The following MAPKBP1 variants were observed in gnomAD, a reference collection of about 807,000 sequenced individuals.
The protein encoded by MAPKBP1 is mitogen-activated protein kinase binding protein 1.
Under a neutral mutation model 170.5 loss-of-function variants are expected in MAPKBP1, and 71 were observed. The ratio of observed to expected loss-of-function variants is 0.42; its 90% confidence interval spans 0.34 to 0.51. The LOEUF (loss-of-function observed/expected upper bound fraction) is 0.51, where lower values mean the gene tolerates loss of function less well. Ranked by LOEUF, MAPKBP1 falls within the 20% of genes least tolerant of loss-of-function variation. MAPKBP1 has a pLI of 0.06. For synonymous variants in MAPKBP1, 719 were observed against 757.9 expected (o/e 0.95, Z 0.84); for missense variants, 1,598 against 1,933.0 (o/e 0.83, Z 3.25).
At chr15:41,783,056 TCCAGATGACCAGAAG>T (rs2064217968) in intron 2 of MAPKBP1, among the ~76,000 whole-genome samples, 1 of 152,138 alleles carries the variant, frequency 6.6e-6, no homozygotes, top group African/African-American at 2.4e-5. Context: ...GCTGTGTGGT[TCCAGATGACCAGAAG>T]CCACAAGCGG....
rs1264000663 is a variant in MAPKBP1, at chr15:41,816,586, G to A, written c.1521G>A (p.Glu507=). ...TGCACGAACTTCAGTCCCTGAGTGAGATGCTGAAGGTGGAGGCCCATGACT... is the reference window on the plus strand; with the variant it reads ...TGCACGAACTTCAGTCCCTGAGTGAAATGCTGAAGGTGGAGGCCCATGACT... ...LRVHELQSLS[E]MLKVEAHDSE... The change falls in exon 13 of 31, where the codon GAG becomes GAA. Residue 507 remains glutamate (E), a synonymous_variant. Transcript: ENST00000457542. 1 of 1,614,132 alleles carries A rather than the reference G, an allele frequency of 6.2e-7. No individual in the cohort carries two copies. The highest frequency in any genetic ancestry group is 1.1e-5 in the South Asian group (1 of 91,082).
rs1308018671 is a variant in MAPKBP1 at position 41,822,602 on chromosome 15, T to G, written c.3239T>G (p.Val1080Gly). ...LASGAAPGAP[V>G]QVPERSESRS... ...TCTCTGACCTTGGTAGGGGCCCCAG[T>G]GCAGGTCCCAGAGAGGTCAGAGTCT... Residue 1080 changes from valine (V) to glycine (G), a missense_variant, in exon 27 of 31, where the codon GTG (valine) becomes GGG (glycine). By Grantham distance (109) the Val-to-Gly change is moderately radical. This residue lies in a region of MAPKBP1 where 942 missense variants were observed against 953.2 expected (regional missense o/e 0.99). Transcript: ENST00000457542. The G allele has an allele frequency of 1.2e-6, 2 of 1,613,992 alleles. No homozygotes were observed. Among genetic ancestry groups the G allele is most frequent in the Non-Finnish European group, 1.7e-6 (2 of 1,179,942 alleles).
chr15:41,788,880 G>T (rs962175822), intron 2 of MAPKBP1, among the ~76,000 whole-genome samples: 2 of 152,214 alleles, frequency 1.3e-5, no homozygotes, highest in Non-Finnish European at 2.9e-5. Context: ...TTGGAGGAGG[G>T]GAGGAAAGAG....
chr15:41,774,534 A>G lies in MAPKBP1; in HGVS notation c.-186A>G. 2.5e-6 allele frequency: 1 copy of G among 398,604 alleles called. No homozygotes were observed. Among genetic ancestry groups the G allele is most frequent in the East Asian group, 3.6e-5 (1 of 28,078 alleles). The allele number at this position is 398,604 out of a possible 1,614,324, so 24.7% of individuals were successfully genotyped here. A position where few individuals can be genotyped will look rare whatever the true frequency, so the allele number is the denominator to read the frequency against. ...TGCTGCTGCCTCTACCGCTGCGGCT[A>G]CCGCGGCGGAGCTGAAATTGCCGAA... On this transcript the variant is annotated 5_prime_UTR_variant, in exon 1 of 31. Transcript: ENST00000457542.
At position 41,775,332 on chromosome 15, in the gene MAPKBP1, A is replaced by G. The variant is rs762676287; in HGVS notation, c.57A>G (p.Pro19=). ...GGATCAAGAATCTGTTGAGATCTCC[A>G]TCCATCAAACTGCGCAGGAGTAAGG... ...TSRIKNLLRS[P]SIKLRRSKAG... is the part of the protein sequence containing the mutation. The change falls in exon 2 of 31, where the codon CCA becomes CCG. Residue 19 remains proline, a synonymous_variant. Coordinates refer to ENST00000457542, the MANE Select transcript of MAPKBP1 (RefSeq NM_014994.3). 6 of 1,614,044 alleles carry G rather than the reference A, an allele frequency of 3.7e-6. No homozygotes were observed. Among genetic ancestry groups the G allele is most frequent in the Middle Eastern group, 1.6e-4 (1 of 6,084 alleles).
At chr15:41,787,719 T>C (rs1408101892) in intron 2 of MAPKBP1, among the ~76,000 whole-genome samples, 1 of 152,154 alleles carries the variant, frequency 6.6e-6, no homozygotes. Flanking sequence ...AGCCATGCCA[T>C]GCATGTCTTT....
chr15:41,826,064 T>C lies in MAPKBP1; in HGVS notation c.*628T>C, dbSNP rs2065086853. ...GAGCCCGCACATTCCACTCCCATTC[T>C]CCCTCCAAGAGGGGCCCAGCATTGT... On this transcript the variant is annotated 3_prime_UTR_variant, in exon 31 of 31. Transcript: ENST00000457542. 6.5e-6 allele frequency: 1 copy of C among 152,678 alleles called. No homozygotes were observed. Among genetic ancestry groups the C allele is most frequent in the African/African-American group, 2.4e-5 (1 of 41,410 alleles). 9.5% of individuals were successfully genotyped at this position (152,678 alleles called of 1,614,324 possible). A position where few individuals can be genotyped will look rare whatever the true frequency, so the allele number is the denominator to read the frequency against.
At chr15:41,799,611 C>T (rs545135770) in intron 2 of MAPKBP1, among the ~76,000 whole-genome samples, 6 of 152,168 alleles carry the variant, frequency 3.9e-5, no homozygotes, top group East Asian at 1.9e-4. Flanking sequence ...TGAGCCCTGC[C>T]GAAAATAGGT....
chr15:41,798,309 G>A (rs938483969), intron 2 of MAPKBP1, among the ~76,000 whole-genome samples: 6 of 149,448 alleles, frequency 4.0e-5, no homozygotes, highest in African/African-American at 9.8e-5. Flanking sequence ...TTGAGATGGC[G>A]TCTCGCTGTG....
At chr15:41,811,476 A>G (rs1455399086) in intron 5 of MAPKBP1, 2 of 692,854 alleles carry the variant, frequency 2.9e-6, no homozygotes, top group East Asian at 2.7e-5. Flanking sequence ...TAGGTCTGGG[A>G]TGGGAGTCTG....
At chr15:41,776,527 A>G (rs1475219803) in intron 2 of MAPKBP1, among the ~76,000 whole-genome samples, 2 of 152,220 alleles carry the variant, frequency 1.3e-5, no homozygotes, top group South Asian at 4.1e-4. Flanking sequence ...GACCCTTCCA[A>G]GGTCTCTTAT....
At chr15:41,808,550 A>G (rs2064745815) in intron 3 of MAPKBP1, among the ~76,000 whole-genome samples, 1 of 143,918 alleles carries the variant, frequency 6.9e-6, no homozygotes, top group African/African-American at 2.6e-5. Flanking sequence ...ATCTCAACTC[A>G]TTGCAACCTT....
intron 27 of MAPKBP1, 61 bp from the exon 28 acceptor site, chr15:41,822,878 A>G: frequency 1.3e-6 from 2 of 1,548,894 alleles, no homozygotes; most frequent in South Asian, 2.4e-5. Flanking sequence ...GTTTCTCGCC[A>G]TTTTGGCAGG....
chr15:41,808,609 G>A (rs776013412), intron 3 of MAPKBP1, among the ~76,000 whole-genome samples: 6 of 151,236 alleles, frequency 4.0e-5, no homozygotes, highest in Middle Eastern at 3.5e-3. Flanking sequence ...CCAAGTAGCT[G>A]GGATTACAGG....
intron 3 of MAPKBP1, among the ~76,000 whole-genome samples, chr15:41,802,599 G>T (rs1050222071): frequency 6.6e-6 from 1 of 152,104 alleles, no homozygotes; most frequent in Non-Finnish European, 1.5e-5. Context: ...TCAGCCTCCT[G>T]AGTAGTTGGG....
chr15:41,811,475 G>A (rs1381675325), intron 5 of MAPKBP1: 4 of 693,840 alleles, frequency 5.8e-6, no homozygotes, highest in Non-Finnish European at 1.1e-5. Flanking sequence ...GTAGGTCTGG[G>A]ATGGGAGTCT....
rs764872229 is a variant in MAPKBP1 at position 41,824,583 on chromosome 15, G to GC, written c.4299+20dup. On this transcript the variant is annotated intron_variant, in intron 30 of 30. Coordinates refer to ENST00000457542, the MANE Select transcript of MAPKBP1 (RefSeq NM_014994.3). Reference sequence around the variant, plus strand: ...CTCTACCACTCGGTGGGTGTTAGGTGCCCCCCGGCAGGAAGGCGGGCACGT... The same window carrying GC: ...CTCTACCACTCGGTGGGTGTTAGGTGCCCCCCCGGCAGGAAGGCGGGCACGT... 9.5e-6 allele frequency: 15 copies of GC among 1,581,122 alleles called. No individual in the cohort carries two copies. Among genetic ancestry groups the GC allele is most frequent in the African/African-American group, 8.1e-5 (6 of 74,520 alleles).
chr15:41,779,821 C>G (rs1022829556), intron 2 of MAPKBP1, among the ~76,000 whole-genome samples: 12 of 152,210 alleles, frequency 7.9e-5, no homozygotes, highest in African/African-American at 2.9e-4. Flanking sequence ...ACCTTCAAAG[C>G]TCTTGTTGAA....
rs2064477054 is a variant in MAPKBP1 at position 41,795,750 on chromosome 15, G to A, written c.115-4073G>A. 2.0e-5 allele frequency among the ~76,000 whole-genome samples: 3 copies of A among 152,104 alleles called. No individual in the cohort carries two copies. In the South Asian group the frequency reaches 6.2e-4, roughly 32 times the overall value. ...GCCTCCCCAGCAGCTGGGACTACAG[G>A]TGCACGGCGTCACGCCCGGCTAATT... On this transcript the variant is annotated intron_variant, in intron 2 of 30. Transcript: ENST00000457542.
Sources: allele counts gnomAD v4.1 joint callset (sites outside exome capture counted in the v4.1 genomes callset), GRCh38; gene constraint gnomAD v4.1.1; regional missense constraint gnomAD v4.1.1; transcripts MANE v1.5; gene names NCBI Gene and HGNC (gene_info 2026-07-23, HGNC 2026-07-21).